The following RAD50 variants were observed in gnomAD, a reference collection of about 807,000 sequenced individuals.
RAD50 encodes the protein DNA repair protein RAD50.
A neutral mutation model predicts 168.8 loss-of-function variants in RAD50; 132 were observed. The ratio of observed to expected loss-of-function variants is 0.78; its 90% CI spans 0.68 to 0.90. The LOEUF (loss-of-function observed/expected upper bound fraction) is 0.90, where lower values mean the gene tolerates loss of function less well. Among genes scored for constraint, RAD50 ranks in the 40% least tolerant of loss-of-function variants. The pLI is 0.00. For missense variants in RAD50, 1,347 were observed against 1,534.4 expected, an observed-to-expected ratio of 0.88 and a Z score of 2.04; for synonymous variants, 525 against 497.4, an observed-to-expected ratio of 1.06 and a Z score of -0.74.
chr5:132,604,862 C>G lies in RAD50; in HGVS notation c.2581C>G (p.Gln861Glu), dbSNP rs1750954067. 1 of 1,613,546 alleles carries G rather than the reference C, an allele frequency of 6.2e-7. No individual in the cohort carries two copies. The highest frequency in any genetic ancestry group is 1.1e-5 in the South Asian group (1 of 91,012). The change falls in exon 16 of 25, where the codon CAA (glutamine) becomes GAA (glutamate). Residue 861 changes from glutamine (Q) to glutamate (E), a missense_variant. Physicochemically the swap from Gln to Glu is conservative, Grantham distance 29. Around this residue, in one of 3 missense-constraint regions of RAD50, gnomAD observed 635 missense variants for 739.2 expected, o/e 0.86. Coordinates refer to ENST00000378823, the MANE Select transcript of RAD50 (RefSeq NM_005732.4). ...KLIQDQQEQI[Q>E]HLKSTTNELK... ...TATACAGGACCAGCAGGAACAGATT[C>G]AACATCTAAAAAGTACAACAAATGA...
intron 24 of RAD50, among the ~76,000 whole-genome samples, chr5:132,641,061 GGA>G (rs1213393114): frequency 1.3e-5 from 2 of 152,100 alleles, no homozygotes; most frequent in African/African-American, 4.8e-5. Context: ...GTGTTCACAG[GGA>G]GAGAGTCACT....
At chr5:132,572,692 C>T (rs1750327920) in intron 2 of RAD50, among the ~76,000 whole-genome samples, 1 of 152,052 alleles carries the variant, frequency 6.6e-6, no homozygotes, top group South Asian at 2.1e-4. Context: ...TTTCAACAGA[C>T]TTTAAACTTT....
At chr5:132,627,175 T>C (rs1418138592) in intron 21 of RAD50, among the ~76,000 whole-genome samples, 3 of 152,160 alleles carry the variant, frequency 2.0e-5, no homozygotes, top group Non-Finnish European at 4.4e-5. Context: ...CCTTTTTTTA[T>C]AACCGTTAAA....
intron 18 of RAD50, 29 bp from the exon 19 acceptor site, chr5:132,609,240 TTGTATTTTTATTCA>T: frequency 6.2e-7 from 1 of 1,606,836 alleles, no homozygotes; most frequent in Non-Finnish European, 8.5e-7. Context: ...ATTTATTTGA[TTGTATTTTTATTCA>T]TGTGCTTAAA....
chr5:132,619,881 T>G (rs556951184), intron 21 of RAD50, among the ~76,000 whole-genome samples: 6,583 of 121,546 alleles, frequency 0.054, 186 homozygotes, highest in Admixed American at 0.079. Flanking sequence ...GATATATATA[T>G]ATATAGAGAG....
chr5:132,592,377 A>G (rs966367708), intron 11 of RAD50, among the ~76,000 whole-genome samples: 1 of 152,054 alleles, frequency 6.6e-6, no homozygotes, highest in Admixed American at 6.6e-5. Flanking sequence ...CCCTTTAAAG[A>G]TTTTTTTAAG....
chr5:132,600,331 G>A (rs1468741646), intron 13 of RAD50, among the ~76,000 whole-genome samples: 1 of 152,174 alleles, frequency 6.6e-6, no homozygotes, highest in African/African-American at 2.4e-5. Flanking sequence ...GATGAAGGTG[G>A]CAGTGGAGTG....
intron 19 of RAD50, among the ~76,000 whole-genome samples, chr5:132,613,199 A>G (rs10520114): frequency 0.17 from 26,112 of 152,062 alleles, 2,478 homozygotes; most frequent in South Asian, 0.22. Flanking sequence ...CCTAACAGTC[A>G]CTTATTTACG....
chr5:132,574,328 G>A (rs527240895), intron 2 of RAD50, among the ~76,000 whole-genome samples: 5 of 152,252 alleles, frequency 3.3e-5, no homozygotes, highest in African/African-American at 9.6e-5. Flanking sequence ...CCAAGGCTTC[G>A]GGCTTCCACC....
chr5:132,642,233 G>A lies in RAD50; in HGVS notation c.3808G>A (p.Asp1270Asn). The change falls in exon 25 of 25, where the codon GAT (aspartate) becomes AAT (asparagine). Residue 1270 changes from aspartate (D) to asparagine (N), a missense_variant. Coordinates refer to ENST00000378823, the MANE Select transcript of RAD50 (RefSeq NM_005732.4). ...RNFQLLVITHDEDFVELLGRS... is the reference protein window; with the variant it reads ...RNFQLLVITHNEDFVELLGRS... ...CTTCCAGCTTCTGGTAATCACTCAT[G>A]ATGAAGATTTTGTGGAGCTTTTAGG... 1 of 1,614,176 alleles carries A rather than the reference G, an allele frequency of 6.2e-7. No individual in the cohort carries two copies. The highest frequency in any genetic ancestry group is 8.5e-7 in the Non-Finnish European group (1 of 1,180,004).
intron 2 of RAD50, among the ~76,000 whole-genome samples, chr5:132,560,077 C>T (rs2706337): frequency 1.4e-5 from 2 of 139,390 alleles, no homozygotes; most frequent in East Asian, 2.0e-4. Context: ...CACACACACA[C>T]ATATATATAT....
intron 6 of RAD50, 71 bp from the exon 7 acceptor site, chr5:132,587,853 A>T (rs1367935803): frequency 1.2e-5 from 18 of 1,561,332 alleles, no homozygotes; most frequent in Non-Finnish European, 1.6e-5. Context: ...TTTGGTTTAT[A>T]TTTGATACCT....
intron 22 of RAD50, among the ~76,000 whole-genome samples, chr5:132,637,620 C>T (rs918717903): frequency 6.6e-6 from 1 of 151,968 alleles, no homozygotes; most frequent in Admixed American, 6.5e-5. Flanking sequence ...ACCTCCACCT[C>T]CTGGGTTCAG....
chr5:132,588,812 A>G lies in RAD50; in HGVS notation c.1177A>G (p.Ile393Val), dbSNP rs1060501962. ...FERGPFSERQ[I>V]KNFHKLVRER... Reference sequence around the variant, plus strand: ...GCGTGGACCATTCAGTGAAAGACAGATTAAAAATTTTCACAAACTTGTGAG... The same window carrying G: ...GCGTGGACCATTCAGTGAAAGACAGGTTAAAAATTTTCACAAACTTGTGAG... The change falls in exon 8 of 25, where the codon ATT becomes GTT. Residue 393 changes from isoleucine to valine, a missense_variant. By Grantham distance (29) the Ile-to-Val change is conservative. Around this residue, in one of 3 missense-constraint regions of RAD50, gnomAD observed 703 missense variants for 767.7 expected, o/e 0.92. Transcript: ENST00000378823. 6.2e-7 allele frequency: 1 copy of G among 1,613,994 alleles called. No homozygotes were observed. The highest frequency in any genetic ancestry group is 1.3e-5 in the African/African-American group (1 of 74,928).
chr5:132,577,414 G>A lies in RAD50; in HGVS notation c.365+1486G>A, dbSNP rs530578102. ...TGTAATCTTAATTCTCTTTTGCTGT[G>A]CAATGTAACATTCACAAATTCAAGG... On this transcript the variant is annotated intron_variant, in intron 3 of 24. Transcript: ENST00000378823. Among the ~76,000 whole-genome samples, 4 of 152,302 alleles carry A rather than the reference G, an allele frequency of 2.6e-5. No homozygotes were observed. The South Asian group carries it at 6.2e-4, about 24-fold the overall frequency.
chr5:132,586,595 A>G (rs1387560117), intron 5 of RAD50, among the ~76,000 whole-genome samples: 2 of 152,210 alleles, frequency 1.3e-5, no homozygotes, highest in African/African-American at 2.4e-5. Flanking sequence ...CACAAGCTAT[A>G]CTATTAGTAT....
In RAD50 at chr5:132,616,082, A is replaced by G. The variant is rs1751169918; in HGVS notation, c.3116A>G (p.Lys1039Arg). 6.2e-7 allele frequency: 1 copy of G among 1,613,176 alleles called. No homozygotes were observed. The highest frequency in any genetic ancestry group is 8.5e-7 in the Non-Finnish European group (1 of 1,179,446). The change falls in exon 20 of 25, where the codon AAA (lysine) becomes AGA (arginine). Residue 1039 changes from lysine (K) to arginine (R), a missense_variant. Around this residue, in one of 3 missense-constraint regions of RAD50, gnomAD observed 635 missense variants for 739.2 expected, o/e 0.86. Transcript: ENST00000378823. ...EELKEVEEER[K>R]QHLKEMGQMQ... ...CTAAAAGAAGTTGAAGAAGAAAGAA[A>G]ACAACATTTGAAGGAAATGGGTCAA...
chr5:132,595,457 ATATATT>A (rs1750772375), intron 12 of RAD50, 110 bp from the exon 13 acceptor site: 2 of 616,710 alleles, frequency 3.2e-6, no homozygotes. Context: ...TTCTTTTATA[ATATATT>A]TATAAAGCAA....
At chr5:132,568,705 A>T (rs1434375659) in intron 2 of RAD50, among the ~76,000 whole-genome samples, 2 of 152,352 alleles carry the variant, frequency 1.3e-5, no homozygotes, top group Non-Finnish European at 2.9e-5. Context: ...AGGGAATAAA[A>T]GTTAAACTCC....
Sources: allele counts gnomAD v4.1 joint callset (sites outside exome capture counted in the v4.1 genomes callset), GRCh38; gene constraint gnomAD v4.1.1; regional missense constraint gnomAD v4.1.1; transcripts MANE v1.5; gene names NCBI Gene and HGNC (gene_info 2026-07-23, HGNC 2026-07-21).